Variants in AKR1D1 observed in about 807,000 individuals in gnomAD.
The protein encoded by AKR1D1 is delta(4)-3-ketosteroid 5-beta-reductase.
A neutral mutation model predicts 42.6 loss-of-function variants in AKR1D1; 32 were observed. That is an observed-to-expected ratio of 0.75 (90% CI 0.57 to 1.01). The LOEUF (loss-of-function observed/expected upper bound fraction) is 1.01, where lower values mean the gene tolerates loss of function less well. AKR1D1 is among the 50% of genes least tolerant of loss of function. The pLI is 0.00. For synonymous variants in AKR1D1, 123 were observed against 135.5 expected, an observed-to-expected ratio of 0.91 and a Z score of 0.64; for missense variants, 364 against 402.2, an observed-to-expected ratio of 0.91 and a Z score of 0.81.
intron 1 of AKR1D1, among the ~76,000 whole-genome samples, chr7:138,081,784 G>T (rs1803064367): frequency 6.6e-6 from 1 of 152,012 alleles, no homozygotes; most frequent in African/African-American, 2.4e-5. Context: ...GTTTCTCCCT[G>T]TTGATCAGGC....
intron 4 of AKR1D1, among the ~76,000 whole-genome samples, chr7:138,100,007 G>T (rs1484360017): frequency 7.0e-6 from 1 of 142,498 alleles, no homozygotes; most frequent in African/African-American, 2.6e-5. Context: ...GAGGCCAAGA[G>T]TTCAAGGCCA....
intron 3 of AKR1D1, among the ~76,000 whole-genome samples, chr7:138,094,903 T>C (rs144150193): frequency 7.9e-4 from 121 of 152,324 alleles, no homozygotes; most frequent in African/African-American, 2.8e-3. Flanking sequence ...ATTTTTTAAG[T>C]GTCAAGCAGA....
intron 2 of AKR1D1, among the ~76,000 whole-genome samples, chr7:138,090,985 G>A (rs1466358424): frequency 6.6e-6 from 1 of 152,224 alleles, no homozygotes; most frequent in Non-Finnish European, 1.5e-5. Flanking sequence ...GAAGGACCCA[G>A]TGAAGCCACA....
At chr7:138,091,632 C>A in intron 2 of AKR1D1, 136 bp from the exon 3 acceptor site, 1 of 689,188 alleles carries the variant, frequency 1.5e-6, no homozygotes, top group Non-Finnish European at 2.6e-6. Context: ...GAGTTAAAGA[C>A]CAGCCTGGGC....
rs201918644 is a variant in AKR1D1 at position 138,116,617 on chromosome 7, C to T, written c.939-3C>T. On this transcript the variant is annotated splice_region_variant and splice_polypyrimidine_tract_variant and intron_variant, in intron 8 of 8. Coordinates refer to ENST00000242375, the MANE Select transcript of AKR1D1 (RefSeq NM_005989.4). ...TTTTTCTGTGGGGGAATTGTTTTGG[C>T]AGGTGGCGCGATCATCCTGAATACC... 4.3e-6 allele frequency: 7 copies of T among 1,614,100 alleles called. No homozygotes were observed. The highest frequency in any genetic ancestry group is 5.9e-6 in the Non-Finnish European group (7 of 1,180,014).
rs1323186261 is a variant in AKR1D1, at chr7:138,113,572, A to T, written c.856-118A>T. ...TGGGTAGCCCCCCAACACCAGCCTG[A>T]CTCCTCTTAGACATTTGCAGAGATA... On this transcript the variant is annotated intron_variant, in intron 7 of 8. Transcript: ENST00000242375. The T allele has an allele frequency of 3.6e-6, 3 of 842,232 alleles. No homozygotes were observed. In the Admixed American group the frequency reaches 6.0e-5, roughly 17 times the overall value. The allele number at this position is 842,232 out of a possible 1,614,324, so 52.2% of individuals were successfully genotyped here.
At chr7:138,104,865 T>C (rs1289777122) in intron 4 of AKR1D1, among the ~76,000 whole-genome samples, 1 of 152,018 alleles carries the variant, frequency 6.6e-6, no homozygotes, top group South Asian at 2.1e-4. Flanking sequence ...CTCAAGTGGA[T>C]CCTCCTACTT....
intron 4 of AKR1D1, chr7:138,098,296 C>T (rs1009077905): frequency 5.0e-6 from 1 of 199,866 alleles, no homozygotes; most frequent in Non-Finnish European, 1.0e-5. Flanking sequence ...AAGAAACAAA[C>T]TTAAAATGAT....
At chr7:138,081,686 A>G (rs886948571) in intron 1 of AKR1D1, among the ~76,000 whole-genome samples, 4 of 151,172 alleles carry the variant, frequency 2.6e-5, no homozygotes, top group African/African-American at 7.3e-5. Flanking sequence ...GCACCACAAC[A>G]CCCAGCTAAT....
intron 4 of AKR1D1, among the ~76,000 whole-genome samples, chr7:138,104,697 A>AAC (rs1365531621): frequency 2.0e-5 from 3 of 151,224 alleles, no homozygotes; most frequent in Admixed American, 6.6e-5. Context: ...AAAAAAAAAA[A>AAC]AGTGCCCAGG....
intron 7 of AKR1D1, among the ~76,000 whole-genome samples, chr7:138,112,300 C>G (rs1794551530): frequency 6.6e-6 from 1 of 151,952 alleles, no homozygotes; most frequent in South Asian, 2.1e-4. Flanking sequence ...TTTTTGATTC[C>G]TTATGTAATC....
At chr7:138,079,606 G>A (rs948544173) in intron 1 of AKR1D1, among the ~76,000 whole-genome samples, 2 of 152,190 alleles carry the variant, frequency 1.3e-5, no homozygotes, top group Non-Finnish European at 2.9e-5. Context: ...ATGCTGTAAA[G>A]TAATTATTAA....
At chr7:138,114,138 G>C (rs559797227) in intron 8 of AKR1D1, among the ~76,000 whole-genome samples, 1 of 152,160 alleles carries the variant, frequency 6.6e-6, no homozygotes, top group South Asian at 2.1e-4. Flanking sequence ...GCACAAATTA[G>C]AGCAAAGTTA....
intron 1 of AKR1D1, among the ~76,000 whole-genome samples, chr7:138,081,567 C>G (rs1803058280): frequency 8.4e-6 from 1 of 119,230 alleles, no homozygotes; most frequent in Non-Finnish European, 1.6e-5. Flanking sequence ...CTCTTGTTGC[C>G]CCGGCTGGAG....
intron 1 of AKR1D1, among the ~76,000 whole-genome samples, chr7:138,076,876 C>A (rs1802949580): frequency 6.6e-6 from 1 of 152,084 alleles, no homozygotes; most frequent in Non-Finnish European, 1.5e-5. Context: ...TAGCTAAATG[C>A]TGATTACTAG....
Position 138,116,758 on chromosome 7 carries a change from T to C in AKR1D1, c.*96T>C. 8.8e-7 allele frequency: 1 copy of C among 1,134,662 alleles called. No homozygotes were observed. The highest frequency in any genetic ancestry group is 1.3e-5 in the South Asian group (1 of 78,532). The allele number at this position is 1,134,662 out of a possible 1,614,324, so 70.3% of individuals were successfully genotyped here. On this transcript the variant is annotated 3_prime_UTR_variant, in exon 9 of 9. Coordinates refer to ENST00000242375, the MANE Select transcript of AKR1D1 (RefSeq NM_005989.4). The stretch of plus-strand genomic sequence containing the variant: ...ATGTGAAAATGAAGAGAGAGGGTTT[T>C]ACCATCCTGAGAAGAAATAATGATG...
intron 3 of AKR1D1, among the ~76,000 whole-genome samples, chr7:138,092,769 T>C (rs1383108540): frequency 1.3e-5 from 2 of 152,158 alleles, no homozygotes; most frequent in Non-Finnish European, 2.9e-5. Context: ...AGTAAAAATA[T>C]GGCATAAAAG....
rs374882843 is a variant in AKR1D1 at position 138,081,755 on chromosome 7, T to C, written c.93+5144T>C. On this transcript the variant is annotated intron_variant, in intron 1 of 8. Transcript: ENST00000242375. ...AGATGGCCATGCCCAGCTAATTCTG[T>C]ATTTTTAGTAGAGACGGGGTTTCTC... Among the ~76,000 whole-genome samples, 12 of 152,140 alleles carry C rather than the reference T, an allele frequency of 7.9e-5. No individual in the cohort carries two copies. The South Asian group carries it at 2.3e-3, about 29-fold the overall frequency.
chr7:138,107,775 C>T (rs985969614), intron 7 of AKR1D1, among the ~76,000 whole-genome samples, 195 bp downstream of exon 7: 3 of 152,148 alleles, frequency 2.0e-5, no homozygotes, highest in African/African-American at 7.2e-5. Flanking sequence ...TCAGAGATTG[C>T]TTTGCTACTT....
Sources: gnomAD v4.1 joint callset for allele counts (sites outside exome capture counted in the v4.1 genomes callset) on GRCh38, gnomAD v4.1.1 for gene constraint, MANE v1.5 for transcripts, NCBI Gene and HGNC (gene_info 2026-07-23, HGNC 2026-07-21) for gene names.